The following CFAP57 variants were observed in gnomAD, a reference collection of about 807,000 sequenced individuals.
CFAP57 encodes the protein cilia- and flagella-associated protein 57.
A neutral mutation model predicts 146.8 loss-of-function variants in CFAP57; 116 were observed. That is an observed-to-expected ratio of 0.79 (90% confidence interval 0.68 to 0.92). The LOEUF (loss-of-function observed/expected upper bound fraction) is 0.92, where lower values mean the gene tolerates loss of function less well. CFAP57 is among the 40% of genes least tolerant of loss of function. The probability of loss-of-function intolerance (pLI) is 0.00; values close to 1 mark genes in which losing one functional copy is unlikely to be tolerated. For missense variants in CFAP57, 1,377 were observed against 1,527.2 expected (o/e 0.90, Z 1.64); for synonymous variants, 518 against 552.8 (o/e 0.94, Z 0.88).
intron 22 of CFAP57, among the ~76,000 whole-genome samples, chr1:43,247,968 AC>A (rs1646174212): frequency 6.6e-6 from 1 of 151,978 alleles, no homozygotes; most frequent in South Asian, 2.1e-4. Context: ...TACTAAAAAT[AC>A]AAAAAATTAG....
chr1:43,198,617 AAAG>A lies in CFAP57; in HGVS notation c.1402_1404del (p.Glu468del). ...ACTCATTGATGATATACGTTCTTTC[AAAG>A]AATACTCTGTTAGAGGATGCGGAGA... On this transcript the variant is annotated inframe_deletion, in exon 8 of 23. Transcript: ENST00000372492. 1 of 1,613,888 alleles carries A rather than the reference AAAG, an allele frequency of 6.2e-7. No individual in the cohort carries two copies. The highest frequency in any genetic ancestry group is 8.5e-7 in the Non-Finnish European group (1 of 1,179,988).
intron 18 of CFAP57, among the ~76,000 whole-genome samples, chr1:43,231,575 C>G (rs1013309143): frequency 6.6e-6 from 1 of 151,918 alleles, no homozygotes; most frequent in Non-Finnish European, 1.5e-5. Flanking sequence ...TCTTTCAGCC[C>G]GGGCGCAGTG....
chr1:43,184,299 A>C (rs955399095), intron 4 of CFAP57, among the ~76,000 whole-genome samples: 1 of 152,184 alleles, frequency 6.6e-6, no homozygotes, highest in African/African-American at 2.4e-5. Flanking sequence ...AAGTGCAAGG[A>C]AATGTTTTAG....
chr1:43,248,243 T>C (rs1017864231), intron 22 of CFAP57, among the ~76,000 whole-genome samples: 1 of 151,712 alleles, frequency 6.6e-6, no homozygotes, highest in African/African-American at 2.4e-5. Context: ...ATAACCTTCC[T>C]TACCAAAAAA....
rs1183168303 is a variant in CFAP57, at chr1:43,177,260, T to A, written c.158-4274T>A. 8.8e-6 allele frequency: 4 copies of A among 454,812 alleles called. No homozygotes were observed. The East Asian group carries it at 2.8e-4, about 32-fold the overall frequency. 28.2% of individuals were successfully genotyped at this position (454,812 alleles called of 1,614,324 possible). A position where few individuals can be genotyped will look rare whatever the true frequency, so the allele number is the denominator to read the frequency against. On this transcript the variant is annotated intron_variant, in intron 2 of 22. Transcript: ENST00000372492. ...CAGGTAGAGGCAGGCGACAGGGTGG[T>A]GTGAAGAGATCAATAATGGATATGC...
intron 21 of CFAP57, 52 bp from the exon 22 acceptor site, chr1:43,243,175 C>G: frequency 6.5e-7 from 1 of 1,540,816 alleles, no homozygotes; most frequent in Non-Finnish European, 8.8e-7. Context: ...TGCCTTGTGC[C>G]CACTGACCAC....
chr1:43,189,044 G>T (rs910796743), intron 6 of CFAP57, among the ~76,000 whole-genome samples: 2 of 152,206 alleles, frequency 1.3e-5, no homozygotes, highest in African/African-American at 4.8e-5. Flanking sequence ...TTGGCATCTT[G>T]TTGGAAATCA....
intron 9 of CFAP57, among the ~76,000 whole-genome samples, chr1:43,205,808 G>A (rs1644334244): frequency 6.6e-6 from 1 of 151,974 alleles, no homozygotes; most frequent in Non-Finnish European, 1.5e-5. Flanking sequence ...AGAGGGAGTC[G>A]CTTATCTTGG....
chr1:43,230,681 C>G (rs1343597417), intron 18 of CFAP57, among the ~76,000 whole-genome samples: 3 of 152,178 alleles, frequency 2.0e-5, no homozygotes, highest in Non-Finnish European at 1.5e-5. Flanking sequence ...CCCCTTTTGT[C>G]CTCTAATACT....
intron 17 of CFAP57, among the ~76,000 whole-genome samples, chr1:43,226,177 GAAA>G (rs1178989436): frequency 6.6e-6 from 1 of 152,164 alleles, no homozygotes; most frequent in Non-Finnish European, 1.5e-5. Flanking sequence ...ATCTCAAAAA[GAAA>G]AACTAAGTGA....
At chr1:43,231,210 C>A (rs558003599) in intron 18 of CFAP57, among the ~76,000 whole-genome samples, 8 of 152,302 alleles carry the variant, frequency 5.3e-5, no homozygotes, top group African/African-American at 1.4e-4. Context: ...GGAAAACCTT[C>A]TAAAAGCTGC....
intron 13 of CFAP57, 31 bp from the exon 14 acceptor site, chr1:43,221,341 G>A: frequency 6.7e-7 from 1 of 1,493,562 alleles, no homozygotes; most frequent in South Asian, 1.3e-5. Flanking sequence ...CAGCAGATGT[G>A]TGTAAATGAG....
At chr1:43,193,553 A>G (rs1253631606) in intron 6 of CFAP57, among the ~76,000 whole-genome samples, 1 of 152,060 alleles carries the variant, frequency 6.6e-6, no homozygotes, top group Non-Finnish European at 1.5e-5. Context: ...TTAACTCATT[A>G]TAATCAGATT....
At chr1:43,195,161 G>C (rs1357379779) in intron 6 of CFAP57, among the ~76,000 whole-genome samples, 1 of 152,162 alleles carries the variant, frequency 6.6e-6, no homozygotes, top group East Asian at 1.9e-4. Flanking sequence ...AATAGAGAGT[G>C]CATGTACCTT....
intron 22 of CFAP57, among the ~76,000 whole-genome samples, chr1:43,247,155 A>C (rs1299709024): frequency 2.0e-5 from 3 of 152,220 alleles, no homozygotes; most frequent in Non-Finnish European, 4.4e-5. Flanking sequence ...CTTCCACTAG[A>C]AACTAAAGAA....
chr1:43,186,351 C>G (rs1047575257), intron 5 of CFAP57, among the ~76,000 whole-genome samples: 3 of 152,002 alleles, frequency 2.0e-5, no homozygotes, highest in African/African-American at 7.3e-5. Context: ...GTTGCTCACG[C>G]CTGTAATCCC....
In CFAP57 at chr1:43,206,872, T is replaced by G. The variant is rs1557771735; in HGVS notation, c.1695T>G (p.Asp565Glu). 6.2e-7 allele frequency: 1 copy of G among 1,614,070 alleles called. No individual in the cohort carries two copies. The highest frequency in any genetic ancestry group is 8.5e-7 in the Non-Finnish European group (1 of 1,180,040). ...ACAACTGTGTTACTGTCTCCCCCGATGCCAAAATTATCTTTGCTGTTGGAT... is the reference window on the plus strand; with the variant it reads ...ACAACTGTGTTACTGTCTCCCCCGAGGCCAAAATTATCTTTGCTGTTGGAT... ...CSYNCVTVSP[D>E]AKIIFAVGSD... The change falls in exon 10 of 23, where the codon GAT becomes GAG. Residue 565 changes from aspartate (D) to glutamate (E), a missense_variant. Coordinates refer to ENST00000372492, the MANE Select transcript of CFAP57 (RefSeq NM_001378189.1).
At chr1:43,206,544 A>G (rs1262813427) in intron 9 of CFAP57, among the ~76,000 whole-genome samples, 176 bp from the exon 10 acceptor site, 1 of 151,362 alleles carries the variant, frequency 6.6e-6, no homozygotes, top group Non-Finnish European at 1.5e-5. Context: ...CAAGCGTCAT[A>G]GAAAACAGAA....
At chr1:43,243,129 C>T in intron 21 of CFAP57, 98 bp from the exon 22 acceptor site, 2 of 1,389,448 alleles carry the variant, frequency 1.4e-6, no homozygotes, top group Non-Finnish European at 1.9e-6. Flanking sequence ...CAGACCTAAC[C>T]CTGCCCATTC....
Sources: gnomAD v4.1 joint callset for allele counts (sites outside exome capture counted in the v4.1 genomes callset) on GRCh38, gnomAD v4.1.1 for gene constraint, MANE v1.5 for transcripts, NCBI Gene and HGNC (gene_info 2026-07-23, HGNC 2026-07-21) for gene names.